TNS3: variants seen among roughly 807,000 people sequenced by gnomAD.
TNS3 encodes tensin 3.
TNS3 carries 45 observed loss-of-function variants against 140.9 expected under a neutral mutation model. The observed-to-expected ratio is 0.32, with a 90% confidence interval of 0.25 to 0.41. The LOEUF is 0.41. Ranked by LOEUF, TNS3 falls within the 10% of genes least tolerant of loss-of-function variation. The pLI, the probability that TNS3 is intolerant of heterozygous loss-of-function variation, is 1.00. For synonymous variants in TNS3, 815 were observed against 788.4 expected (o/e 1.03, Z -0.56); for missense variants, 1,716 against 1,906.7 (o/e 0.90, Z 1.86).
chr7:47,354,491 G>C (rs940862), intron 17 of TNS3, among the ~76,000 whole-genome samples: 94,254 of 151,910 alleles, frequency 0.62, 30,021 homozygotes, highest in Non-Finnish European at 0.7. Context: ...CCTGCATCTG[G>C]CTGCACCCAT....
At chr7:47,559,023 G>A (rs934112071) in intron 1 of TNS3, among the ~76,000 whole-genome samples, 3 of 152,188 alleles carry the variant, frequency 2.0e-5, no homozygotes, top group African/African-American at 7.2e-5. Flanking sequence ...GACCTCCCAT[G>A]TCACTCTTCC....
intron 18 of TNS3, 133 bp from the exon 19 acceptor site, chr7:47,345,171 G>A: frequency 1.5e-6 from 1 of 681,364 alleles, no homozygotes; most frequent in Non-Finnish European, 2.6e-6. Flanking sequence ...CAAGGAGGCT[G>A]AGGTCTGGAT....
chr7:47,388,800 GAGGTTGCA>G (rs2151273610), intron 16 of TNS3, among the ~76,000 whole-genome samples: 1 of 152,168 alleles, frequency 6.6e-6, no homozygotes, highest in Non-Finnish European at 1.5e-5. Context: ...CCGGGAGGTG[GAGGTTGCA>G]GTGAGCCAAG....
intron 10 of TNS3, among the ~76,000 whole-genome samples, chr7:47,420,874 T>G (rs1308581246): frequency 6.6e-6 from 1 of 152,258 alleles, no homozygotes; most frequent in African/African-American, 2.4e-5. Flanking sequence ...TGCTGGTAAC[T>G]CGGATACCTT....
chr7:47,355,859 T>A (rs1261636055), intron 17 of TNS3, among the ~76,000 whole-genome samples: 3 of 152,112 alleles, frequency 2.0e-5, no homozygotes, highest in Non-Finnish European at 4.4e-5. Context: ...GAGGCTCTGC[T>A]GGGAAGTGGG....
chr7:47,506,788 G>T, intron 3 of TNS3, 119 bp downstream of exon 3: 1 of 697,588 alleles, frequency 1.4e-6, no homozygotes, highest in Non-Finnish European at 2.1e-6. Context: ...CCCAGCCCTG[G>T]CTTTCCTAAA....
At chr7:47,532,123 T>A (rs1799429470) in intron 1 of TNS3, among the ~76,000 whole-genome samples, 1 of 151,768 alleles carries the variant, frequency 6.6e-6, no homozygotes, top group African/African-American at 2.4e-5. Flanking sequence ...GCCTGGCCTG[T>A]CTCCTCTCCC....
chr7:47,576,547 CACCTCTAAGAAAGGTG>C (rs1312715455), intron 1 of TNS3, among the ~76,000 whole-genome samples: 3 of 152,212 alleles, frequency 2.0e-5, no homozygotes, highest in Non-Finnish European at 4.4e-5. Flanking sequence ...CGCCCAGGGA[CACCTCTAAGAAAGGTG>C]ATGGATTACA....
chr7:47,332,458 C>T (rs933325279), intron 20 of TNS3, among the ~76,000 whole-genome samples: 5 of 152,138 alleles, frequency 3.3e-5, no homozygotes, highest in Non-Finnish European at 4.4e-5. Flanking sequence ...GGAGACAAGC[C>T]CAGGCTCAGG....
At position 47,439,489 on chromosome 7, in the gene TNS3, G is replaced by A. The variant is rs758973949; in HGVS notation, c.148C>T (p.Leu50=). 21 of 1,613,556 alleles carry A rather than the reference G, an allele frequency of 1.3e-5. No individual in the cohort carries two copies. In the South Asian group the frequency reaches 2.3e-4, roughly 18 times the overall value. Reference sequence around the variant, plus strand: ...TCCCAGAGCCGCCCACCGCTCACCAGGTAGTTGTCCCCGTGCTTGGACTTG... The same window carrying A: ...TCCCAGAGCCGCCCACCGCTCACCAAGTAGTTGTCCCCGTGCTTGGACTTG... ...MLKSKHGDNY[L]VLNLSEKRYD... Residue 50 remains leucine, a splice_region_variant and synonymous_variant, in exon 6 of 31, where the codon CTG becomes TTG. Coordinates refer to ENST00000311160, the MANE Select transcript of TNS3 (RefSeq NM_022748.12).
intron 20 of TNS3, among the ~76,000 whole-genome samples, chr7:47,314,625 G>A (rs547437922): frequency 3.9e-5 from 6 of 152,276 alleles, no homozygotes; most frequent in African/African-American, 9.6e-5. Flanking sequence ...TGATGTTCAC[G>A]GTTAAACTAC....
rs2151001832 is a variant in TNS3, at chr7:47,346,232, A to G, written c.2406T>C (p.Tyr802=). ...AGGGGAATGGCGGCAGGTTTGGGGC[A>G]TAGTCCACACCAGCCTTTCCCCATG... ...KCAWGKAGVD[Y]APNLPPFPSP... Residue 802 remains tyrosine (Y), a synonymous_variant, in exon 18 of 31, where the codon TAT becomes TAC. Coordinates refer to ENST00000311160, the MANE Select transcript of TNS3 (RefSeq NM_022748.12). The G allele has an allele frequency of 6.2e-7, 1 of 1,614,166 alleles. No individual in the cohort carries two copies. The highest frequency in any genetic ancestry group is 8.5e-7 in the Non-Finnish European group (1 of 1,180,016).
intron 16 of TNS3, among the ~76,000 whole-genome samples, chr7:47,392,595 A>G: frequency 6.6e-6 from 1 of 152,252 alleles, no homozygotes; most frequent in East Asian, 1.9e-4. Flanking sequence ...TCCTCAAAGC[A>G]CTGGACAGCT....
intron 16 of TNS3, among the ~76,000 whole-genome samples, chr7:47,383,761 GA>G (rs1000199148): frequency 1.3e-5 from 2 of 152,110 alleles, no homozygotes; most frequent in Admixed American, 1.3e-4. Flanking sequence ...AACATTCAAG[GA>G]GAGAGAAGAC....
chr7:47,357,755 G>C (rs1562631530), intron 17 of TNS3, among the ~76,000 whole-genome samples: 1 of 152,124 alleles, frequency 6.6e-6, no homozygotes, highest in Non-Finnish European at 1.5e-5. Context: ...GCAACAGAAG[G>C]CGGAAGGGGG....
At position 47,369,072 on chromosome 7, in the gene TNS3, A is replaced by G; in HGVS notation, c.1574T>C (p.Phe525Ser). ...SSQNSLLSDG[F>S]GSNVGEDPQG... ...CGGATCTTCACCAACGTTGCTGCCA[A>G]AACCGTCAGATAGGAGTGAGTTCTG... The change falls in exon 17 of 31, where the codon TTT becomes TCT. Residue 525 changes from phenylalanine to serine, a missense_variant. By Grantham distance (155) the Phe-to-Ser change is radical. Around this residue, in one of 3 missense-constraint regions of TNS3, gnomAD observed 1,163 missense variants for 1,182.1 expected, o/e 0.98. Transcript: ENST00000311160. 1 of 1,614,106 alleles carries G rather than the reference A, an allele frequency of 6.2e-7. No homozygotes were observed. Among genetic ancestry groups the G allele is most frequent in the Non-Finnish European group, 8.5e-7 (1 of 1,180,032 alleles).
chr7:47,460,496 T>C (rs1266896656), intron 4 of TNS3, among the ~76,000 whole-genome samples: 1 of 152,032 alleles, frequency 6.6e-6, no homozygotes. Flanking sequence ...TGGTGGGTGT[T>C]TGGGAAATGC....
chr7:47,574,153 A>G (rs1472867265), intron 1 of TNS3, among the ~76,000 whole-genome samples: 1 of 152,172 alleles, frequency 6.6e-6, no homozygotes, highest in African/African-American at 2.4e-5. Flanking sequence ...TGGTTCCCAG[A>G]CTGAACCATT....
intron 8 of TNS3, among the ~76,000 whole-genome samples, chr7:47,429,793 T>C (rs1212543521): frequency 1.3e-5 from 2 of 152,234 alleles, no homozygotes; most frequent in Non-Finnish European, 2.9e-5. Context: ...ACTGATCAAA[T>C]TCAAGTCACA....
Sources: allele counts gnomAD v4.1 joint callset (sites outside exome capture counted in the v4.1 genomes callset), GRCh38; gene constraint gnomAD v4.1.1; regional missense constraint gnomAD v4.1.1; transcripts MANE v1.5; gene names NCBI Gene and HGNC (gene_info 2026-07-23, HGNC 2026-07-21).